KIAA1217: variants seen among roughly 807,000 people sequenced by gnomAD.
KIAA1217 encodes sickle tail protein homolog.
Under a neutral mutation model 163.9 loss-of-function variants are expected in KIAA1217, and 88 were observed. The ratio of observed to expected loss-of-function variants is 0.54; its 90% CI spans 0.45 to 0.64. The LOEUF is 0.64. Ranked by LOEUF, KIAA1217 falls within the 30% of genes least tolerant of loss-of-function variation. The probability of loss-of-function intolerance (pLI) is 0.00; values close to 1 mark genes in which losing one functional copy is unlikely to be tolerated. For missense variants in KIAA1217, 2,372 were observed against 2,475.0 expected, an observed-to-expected ratio of 0.96 and a Z score of 0.88; for synonymous variants, 903 against 923.1, an observed-to-expected ratio of 0.98 and a Z score of 0.39.
At chr10:23,851,993 T>TC (rs1296043739) in intron 1 of KIAA1217, among the ~76,000 whole-genome samples, 1 of 152,218 alleles carries the variant, frequency 6.6e-6, no homozygotes, top group East Asian at 1.9e-4. Context: ...AGTTTTTTTT[T>TC]GCTGTGCAGA....
chr10:23,843,548 A>T (rs372281118), intron 1 of KIAA1217, among the ~76,000 whole-genome samples: 1 of 152,212 alleles, frequency 6.6e-6, no homozygotes, highest in East Asian at 1.9e-4. Context: ...TTTGACGAGG[A>T]CCTGTTCCAT....
At chr10:23,857,308 A>G (rs2131121605) in intron 1 of KIAA1217, among the ~76,000 whole-genome samples, 1 of 152,282 alleles carries the variant, frequency 6.6e-6, no homozygotes, top group South Asian at 2.1e-4. Flanking sequence ...ACCTCTTCTG[A>G]GCATCTTTTC....
At chr10:23,829,305 G>A (rs1015357488) in intron 1 of KIAA1217, among the ~76,000 whole-genome samples, 16 of 152,164 alleles carry the variant, frequency 1.1e-4, no homozygotes, top group African/African-American at 3.9e-4. Flanking sequence ...GATAATTACT[G>A]GACACTTGAA....
At chr10:24,384,383 A>G (rs965641681) in intron 3 of KIAA1217, among the ~76,000 whole-genome samples, 2 of 152,104 alleles carry the variant, frequency 1.3e-5, no homozygotes, top group African/African-American at 4.8e-5. Context: ...GCCTCCACGC[A>G]TGAACAGCCT....
chr10:23,766,681 C>T (rs185381802), intron 1 of KIAA1217, among the ~76,000 whole-genome samples: 10 of 151,490 alleles, frequency 6.6e-5, no homozygotes, highest in South Asian at 4.2e-4. Context: ...CTCTGCCTCC[C>T]GGTTTCAAGC....
intron 10 of KIAA1217, among the ~76,000 whole-genome samples, chr10:24,518,078 A>C (rs936127789): frequency 3.9e-5 from 6 of 152,242 alleles, no homozygotes; most frequent in African/African-American, 1.4e-4. Context: ...ATAACAGTCA[A>C]GTGAAATACA....
rs773649612 is a variant in KIAA1217, at chr10:23,968,541, T to C, written c.-320-38684T>C. ...AAGTGTACAGTGTGGTGGTATTTAG[T>C]CTATCCACAGAGTTGTGCAACCAAC... On this transcript the variant is annotated intron_variant, in intron 1 of 18. Transcript: ENST00000376462. Among the ~76,000 whole-genome samples the C allele has an allele frequency of 1.3e-5, 2 of 152,296 alleles. 1 individual carries two copies. The highest frequency in any genetic ancestry group is 4.1e-4 in the South Asian group (2 of 4,826).
At chr10:23,764,316 G>T (rs1032690525) in intron 1 of KIAA1217, among the ~76,000 whole-genome samples, 1 of 152,170 alleles carries the variant, frequency 6.6e-6, no homozygotes, top group African/African-American at 2.4e-5. Context: ...AGATGTTGGC[G>T]AGGCTCTGGA....
chr10:24,393,715 G>C (rs569334542), intron 3 of KIAA1217, among the ~76,000 whole-genome samples: 4 of 152,178 alleles, frequency 2.6e-5, no homozygotes, highest in Admixed American at 6.5e-5. Context: ...GAACAGATTT[G>C]GATATAGACG....
At chr10:24,131,230 G>C (rs1305274056) in intron 2 of KIAA1217, among the ~76,000 whole-genome samples, 1 of 152,118 alleles carries the variant, frequency 6.6e-6, no homozygotes, top group Non-Finnish European at 1.5e-5. Context: ...TAGCTCTGCT[G>C]TTCTTCGATT....
chr10:24,188,844 G>A (rs138321936), intron 2 of KIAA1217, among the ~76,000 whole-genome samples: 3,984 of 152,206 alleles, frequency 0.026, 72 homozygotes, highest in South Asian at 0.068. Flanking sequence ...AGTGGCTCAC[G>A]CCTGTAATCC....
intron 1 of KIAA1217, among the ~76,000 whole-genome samples, chr10:23,848,809 G>A (rs1839167544): frequency 6.6e-6 from 1 of 151,996 alleles, no homozygotes; most frequent in Non-Finnish European, 1.5e-5. Context: ...TGGATTTTTT[G>A]TGAACAATAA....
chr10:24,165,364 T>C (rs79264130), intron 2 of KIAA1217, among the ~76,000 whole-genome samples: 2,667 of 152,260 alleles, frequency 0.018, 27 homozygotes, highest in Middle Eastern at 0.058. Context: ...CCAAGATCCA[T>C]ATGTGGATGG....
intron 2 of KIAA1217, among the ~76,000 whole-genome samples, chr10:24,184,114 A>G (rs887954303): frequency 6.6e-6 from 1 of 152,220 alleles, no homozygotes; most frequent in Non-Finnish European, 1.5e-5. Context: ...CAAACACTTT[A>G]GCTTTCAACA....
chr10:23,808,041 A>G (rs1035459251), intron 1 of KIAA1217, among the ~76,000 whole-genome samples: 2 of 152,224 alleles, frequency 1.3e-5, no homozygotes, highest in Admixed American at 6.5e-5. Flanking sequence ...CATCGGAAAA[A>G]GATCACCAAA....
At chr10:23,862,900 T>A (rs1318702424) in intron 1 of KIAA1217, among the ~76,000 whole-genome samples, 2 of 152,192 alleles carry the variant, frequency 1.3e-5, no homozygotes, top group Admixed American at 6.6e-5. Flanking sequence ...CATTTCTTCT[T>A]CTTTATTCTT....
intron 10 of KIAA1217, among the ~76,000 whole-genome samples, chr10:24,515,145 C>A (rs1429508299): frequency 6.6e-6 from 1 of 151,930 alleles, no homozygotes; most frequent in Non-Finnish European, 1.5e-5. Context: ...CGGCTCACTG[C>A]AACCTCCAAC....
chr10:23,889,586 GAAAT>G (rs892814052), intron 1 of KIAA1217, among the ~76,000 whole-genome samples: 1 of 151,854 alleles, frequency 6.6e-6, no homozygotes, highest in African/African-American at 2.4e-5. Context: ...CTTGCTTAGA[GAAAT>G]ATTTGTATCC....
chr10:24,507,011 G>A (rs1366994931), intron 9 of KIAA1217, among the ~76,000 whole-genome samples: 1 of 152,242 alleles, frequency 6.6e-6, no homozygotes, highest in African/African-American at 2.4e-5. Flanking sequence ...ACACAGGCCT[G>A]GGAGATGTTC....
Sources: allele counts gnomAD v4.1 joint callset (sites outside exome capture counted in the v4.1 genomes callset), GRCh38; gene constraint gnomAD v4.1.1; transcripts MANE v1.5; gene names NCBI Gene and HGNC (gene_info 2026-07-23, HGNC 2026-07-21).